The following ARHGEF11 variants were observed in gnomAD, a reference collection of about 807,000 sequenced individuals.
ARHGEF11 encodes Rho guanine exchange factor (GEF) 11.
In ARHGEF11, 55 loss-of-function variants were observed where a neutral mutation model predicts 193.7. The ratio of observed to expected loss-of-function variants is 0.28; its 90% confidence interval spans 0.23 to 0.36. The LOEUF (loss-of-function observed/expected upper bound fraction) is 0.36. ARHGEF11 is among the 10% of genes least tolerant of loss of function. The pLI is 1.00. For missense variants in ARHGEF11, 1,723 were observed against 2,005.6 expected, an observed-to-expected ratio of 0.86 and a Z score of 2.69; for synonymous variants, 693 against 768.0, an observed-to-expected ratio of 0.90 and a Z score of 1.62.
rs1557809822 is a variant in ARHGEF11 at position 156,937,024 on chromosome 1, G to GA, written c.4441-20dup. 1 of 1,609,094 alleles carries GA rather than the reference G, an allele frequency of 6.2e-7. No homozygotes were observed. Among genetic ancestry groups the GA allele is most frequent in the Non-Finnish European group, 8.5e-7 (1 of 1,176,200 alleles). On this transcript the variant is annotated intron_variant, in intron 39 of 40. Coordinates refer to ENST00000368194, the MANE Select transcript of ARHGEF11 (RefSeq NM_198236.3). ...CCATATCCTGGAAGAGTCGGCGGGG[G>GA]AATGTCTGCTCGAGTCCTTCTATTC...
intron 11 of ARHGEF11, 46 bp from the exon 12 acceptor site, chr1:156,963,640 A>G (rs1479157325): frequency 6.3e-7 from 1 of 1,597,792 alleles, no homozygotes; most frequent in Non-Finnish European, 8.5e-7. Context: ...TATAGAGGAC[A>G]GAGGATTCAA....
intron 18 of ARHGEF11, among the ~76,000 whole-genome samples, 179 bp from the exon 19 acceptor site, chr1:156,956,743 T>C (rs1233642423): frequency 4.6e-5 from 7 of 152,194 alleles, no homozygotes; most frequent in Non-Finnish European, 1.0e-4. Context: ...AAGTCTGGGC[T>C]GTGACCTTCT....
intron 34 of ARHGEF11, among the ~76,000 whole-genome samples, 188 bp from the exon 35 acceptor site, chr1:156,941,621 C>T (rs931328221): frequency 6.6e-6 from 1 of 152,208 alleles, no homozygotes; most frequent in African/African-American, 2.4e-5. Context: ...TCTACATCCC[C>T]CTCACCCTTC....
chr1:156,986,210 A>C, intron 1 of ARHGEF11, 37 bp from the exon 2 acceptor site: 22 of 1,552,864 alleles, frequency 1.4e-5, no homozygotes, highest in Non-Finnish European at 1.9e-5. Context: ...CAATGAGCTC[A>C]GCAGGGGGGA....
At chr1:156,960,319 A>G in intron 15 of ARHGEF11, 99 bp downstream of exon 15, 1 of 1,223,552 alleles carries the variant, frequency 8.2e-7, no homozygotes, top group East Asian at 2.3e-5. Flanking sequence ...CGGTTGCCCA[A>G]GGACAGGGAC....
At chr1:156,988,751 T>C (rs1348861237) in intron 1 of ARHGEF11, among the ~76,000 whole-genome samples, 15 of 152,142 alleles carry the variant, frequency 9.9e-5, no homozygotes, top group Admixed American at 9.8e-4. Flanking sequence ...AGGGCAGGTA[T>C]GTGGGGGACA....
At chr1:157,036,447 A>T (rs1672059974) in intron 1 of ARHGEF11, among the ~76,000 whole-genome samples, 1 of 151,752 alleles carries the variant, frequency 6.6e-6, no homozygotes, top group African/African-American at 2.4e-5. Flanking sequence ...TCAGCCTCCC[A>T]AGTAGCTGGG....
chr1:156,979,557 G>C (rs1279935705), intron 4 of ARHGEF11, among the ~76,000 whole-genome samples: 2 of 151,960 alleles, frequency 1.3e-5, no homozygotes, highest in South Asian at 4.2e-4. Context: ...GGAGAGATGG[G>C]GTTTCACTGT....
intron 36 of ARHGEF11, 119 bp downstream of exon 36, chr1:156,940,088 C>A: frequency 1.4e-6 from 2 of 1,409,012 alleles, no homozygotes; most frequent in Non-Finnish European, 1.9e-6. Flanking sequence ...CCGCATCCAT[C>A]TCTCCTCAAG....
intron 1 of ARHGEF11, among the ~76,000 whole-genome samples, chr1:156,990,118 T>C (rs1665505240): frequency 6.6e-6 from 1 of 152,228 alleles, no homozygotes; most frequent in Non-Finnish European, 1.5e-5. Context: ...GAATTATACT[T>C]ACGTCCTGTC....
chr1:157,039,572 G>A (rs1439751748), intron 1 of ARHGEF11, among the ~76,000 whole-genome samples: 1 of 152,184 alleles, frequency 6.6e-6, no homozygotes, highest in Admixed American at 6.5e-5. Flanking sequence ...GGGCAAAGGA[G>A]TGATCTTGCA....
chr1:156,969,388 A>G (rs1390691786), intron 9 of ARHGEF11, 30 bp from the exon 10 acceptor site: 6 of 1,572,026 alleles, frequency 3.8e-6, no homozygotes, highest in Non-Finnish European at 4.3e-6. Context: ...TATAACACAG[A>G]AGGAGCTGTG....
intron 38 of ARHGEF11, among the ~76,000 whole-genome samples, chr1:156,937,858 CT>C (rs1269363533): frequency 1.3e-5 from 2 of 152,330 alleles, no homozygotes; most frequent in East Asian, 3.9e-4. Context: ...GGCAGCAGCC[CT>C]CTTGCCCTGC....
At chr1:156,941,117 G>C (rs533802192) in intron 35 of ARHGEF11, among the ~76,000 whole-genome samples, 1 of 152,096 alleles carries the variant, frequency 6.6e-6, no homozygotes, top group African/African-American at 2.4e-5. Context: ...TTCTTCCACA[G>C]CTGATGCCGT....
At chr1:157,042,628 G>A (rs560221030) in intron 1 of ARHGEF11, among the ~76,000 whole-genome samples, 16 of 152,186 alleles carry the variant, frequency 1.1e-4, no homozygotes, top group Middle Eastern at 3.4e-3. Context: ...TATGTTCTAC[G>A]AAAGCACTTA....
rs76510585 is a variant in ARHGEF11, at chr1:156,990,476, C to T, written c.33-4303G>A. ...TAGATACTCTGTTTTCCAACAATCTCTCATCCAATAGTTTTACTATCCATA... is the reference window on the plus strand; with the variant it reads ...TAGATACTCTGTTTTCCAACAATCTTTCATCCAATAGTTTTACTATCCATA... On this transcript the variant is annotated intron_variant, in intron 1 of 40. Coordinates refer to ENST00000368194, the MANE Select transcript of ARHGEF11 (RefSeq NM_198236.3). Among the ~76,000 whole-genome samples the T allele has an allele frequency of 9.2e-5, 14 of 152,286 alleles. No individual in the cohort carries two copies. The East Asian group carries it at 2.7e-3, about 29-fold the overall frequency.
At chr1:156,977,313 A>C (rs889915989) in intron 6 of ARHGEF11, among the ~76,000 whole-genome samples, 5 of 152,152 alleles carry the variant, frequency 3.3e-5, no homozygotes, top group African/African-American at 7.2e-5. Context: ...CTTCATTCCA[A>C]CTGAAAAGTC....
In ARHGEF11 at chr1:156,986,102, G is replaced by A. The variant is rs375264879; in HGVS notation, c.104C>T (p.Ser35Leu). 4.0e-5 allele frequency: 65 copies of A among 1,613,848 alleles called. No individual in the cohort carries two copies. The highest frequency in any genetic ancestry group is 5.2e-5 in the Non-Finnish European group (61 of 1,179,906). Residue 35 changes from serine to leucine, a missense_variant, in exon 2 of 41, where the codon TCG (serine) becomes TTG (leucine). Physicochemically the swap from Ser to Leu is moderately radical, Grantham distance 145 (BLOSUM62 -2). This residue lies in a region of ARHGEF11 where 646 missense variants were observed against 710.7 expected (regional missense o/e 0.91). Transcript: ENST00000368194. ...RKSPSHHRQP[S>L]DASETTGLVQ... ...GTTACCTGTTGTCTCAGAGGCATCC[G>A]AAGGCTGGCGATGGTGGGAAGGGGA... is the stretch of plus-strand genomic sequence containing the variant.
chr1:157,007,181 T>A (rs937144610), intron 1 of ARHGEF11, among the ~76,000 whole-genome samples: 3 of 150,430 alleles, frequency 2.0e-5, no homozygotes, highest in Non-Finnish European at 1.5e-5. Context: ...AATACAGACA[T>A]GAGATGAAAA....
Sources: gnomAD v4.1 joint callset for allele counts (sites outside exome capture counted in the v4.1 genomes callset) on GRCh38, gnomAD v4.1.1 for gene constraint, gnomAD v4.1.1 regional missense constraint, MANE v1.5 for transcripts, NCBI Gene and HGNC (gene_info 2026-07-23, HGNC 2026-07-21) for gene names.